The following TPR variants were observed in gnomAD, a reference collection of about 807,000 sequenced individuals.
The protein encoded by TPR is translocated promoter region, nuclear basket protein, also known as nucleoprotein TPR.
A neutral mutation model predicts 316.1 loss-of-function variants in TPR; 51 were observed. The ratio of observed to expected loss-of-function variants is 0.16; its 90% CI spans 0.13 to 0.20. The LOEUF is 0.20. Among genes scored for constraint, TPR ranks in the 10% least tolerant of loss-of-function variants. The pLI is 1.00. For synonymous variants in TPR, 981 were observed against 914.7 expected (o/e 1.07, Z -1.31); for missense variants, 2,272 against 2,754.8 (o/e 0.82, Z 3.92).
At position 186,318,458 on chromosome 1, in the gene TPR, T is replaced by C. The variant is rs1335130316; in HGVS notation, c.6810A>G (p.Ala2270=). The stretch of plus-strand genomic sequence containing the variant: ...AAATAAACTTTTACCCTTCAGATTC[T>C]GCCTCCACAAATACTTCATCTCCAT... The part of the protein sequence containing the change: ...GDDGDEVFVE[A]ESEGISSEAG... Residue 2270 remains alanine (A), a synonymous_variant, in exon 48 of 51, where the codon GCA becomes GCG. Transcript: ENST00000367478. The C allele has an allele frequency of 1.2e-6, 2 of 1,610,964 alleles. No homozygotes were observed. The highest frequency in any genetic ancestry group is 1.7e-6 in the Non-Finnish European group (2 of 1,179,200).
Position 186,311,934 on chromosome 1 carries a change from A to C in TPR, c.*2037T>G, listed in dbSNP as rs1657272538. The C allele has an allele frequency of 1.8e-6, 1 of 541,998 alleles. No individual in the cohort carries two copies. The highest frequency in any genetic ancestry group is 3.2e-5 in the Admixed American group (1 of 31,340). 33.6% of individuals were successfully genotyped at this position (541,998 alleles called of 1,614,324 possible). On this transcript the variant is annotated 3_prime_UTR_variant, in exon 51 of 51. Coordinates refer to ENST00000367478, the MANE Select transcript of TPR (RefSeq NM_003292.3). ...TGTGCTGCCAAACTGAGCACTTGTC[A>C]CTTTCAATTGAAATTAAATATATAA...
At chr1:186,360,029 A>T in intron 11 of TPR, 33 bp from the exon 12 acceptor site, 1 of 1,582,018 alleles carries the variant, frequency 6.3e-7, no homozygotes. Context: ...TTCAAATCTA[A>T]CCATAACAAC....
Position 186,360,927 on chromosome 1 carries a change from C to A in TPR, c.959-22G>T, listed in dbSNP as rs766307441. 5.0e-6 allele frequency: 8 copies of A among 1,602,060 alleles called. No individual in the cohort carries two copies. In the Admixed American group the frequency reaches 5.2e-5, roughly 10 times the overall value. On this transcript the variant is annotated intron_variant, in intron 9 of 50. Coordinates refer to ENST00000367478, the MANE Select transcript of TPR (RefSeq NM_003292.3). ...TTGGCTAAAAAACAATTTTAAAGAC[C>A]AAATATTCAAACATACAGTTAAAAT... is the stretch of plus-strand genomic sequence containing the variant.
chr1:186,367,620 T>C (rs1389100678), intron 4 of TPR, among the ~76,000 whole-genome samples: 1 of 152,222 alleles, frequency 6.6e-6, no homozygotes, highest in Non-Finnish European at 1.5e-5. Context: ...TGTACAGCAT[T>C]GTAGTGAAAA....
intron 36 of TPR, 105 bp from the exon 37 acceptor site, chr1:186,333,499 C>T: frequency 7.2e-7 from 1 of 1,384,308 alleles, no homozygotes; most frequent in Non-Finnish European, 9.8e-7. Flanking sequence ...AGATTTGGCA[C>T]TTGGTAGACA....
intron 46 of TPR, 26 bp downstream of exon 46, chr1:186,320,286 G>A: frequency 6.4e-7 from 1 of 1,566,690 alleles, no homozygotes; most frequent in Non-Finnish European, 8.7e-7. Flanking sequence ...TACAAATTCA[G>A]GGGATCTAAA....
chr1:186,371,096 G>A, intron 2 of TPR, 53 bp from the exon 3 acceptor site: 1 of 1,431,290 alleles, frequency 7.0e-7, no homozygotes. Flanking sequence ...AACTTGCAAT[G>A]AGTGTTTTTA....
chr1:186,368,777 TC>T (rs1444270648), intron 3 of TPR, among the ~76,000 whole-genome samples: 1 of 152,238 alleles, frequency 6.6e-6, no homozygotes, highest in Non-Finnish European at 1.5e-5. Context: ...TCCGTTTATT[TC>T]TTTTTGCAGC....
At chr1:186,336,866 T>C (rs994528736) in intron 32 of TPR, 147 bp downstream of exon 32, 2 of 1,324,530 alleles carry the variant, frequency 1.5e-6, no homozygotes, top group Non-Finnish European at 2.1e-6. Context: ...GATGATTGGG[T>C]ACTACTTACA....
chr1:186,328,978 G>A (rs866408382), intron 39 of TPR, among the ~76,000 whole-genome samples: 3 of 152,174 alleles, frequency 2.0e-5, no homozygotes, highest in African/African-American at 2.4e-5. Context: ...TACATATGCC[G>A]TAATGGAAAA....
At chr1:186,347,507 G>C (rs1658720345) in intron 21 of TPR, 49 bp from the exon 22 acceptor site, 1 of 1,580,200 alleles carries the variant, frequency 6.3e-7, no homozygotes, top group South Asian at 1.2e-5. Context: ...AATAGTATTA[G>C]AGATGACTGT....
rs1306463814 is a variant in TPR, at chr1:186,312,331, G to C, written c.*1640C>G. ...GGACCTTCTCAAACACACACCATCA[G>C]AATTCAATATTCACCTGCCAGACTG... On this transcript the variant is annotated 3_prime_UTR_variant, in exon 51 of 51. Transcript: ENST00000367478. 2 of 1,610,022 alleles carry C rather than the reference G, an allele frequency of 1.2e-6. No homozygotes were observed.
intron 39 of TPR, among the ~76,000 whole-genome samples, chr1:186,331,228 G>A (rs1658156994): frequency 6.6e-6 from 1 of 151,872 alleles, no homozygotes; most frequent in African/African-American, 2.4e-5. Flanking sequence ...ATTAAAATAG[G>A]GAAAAATCTT....
chr1:186,344,438 C>T lies in TPR; in HGVS notation c.3354G>A (p.Gln1118=). The change falls in exon 25 of 51, where the codon CAG becomes CAA. Residue 1118 remains glutamine, a synonymous_variant. Transcript: ENST00000367478. ...SVRQHLEETT[Q]KAESQLLECK... ...ACTCCAACAACTGTGATTCTGCTTT[C>T]TGTGTTGTTTCTTCCAAATGCTGAC... 1 of 1,614,124 alleles carries T rather than the reference C, an allele frequency of 6.2e-7. No homozygotes were observed. Among genetic ancestry groups the T allele is most frequent in the Non-Finnish European group, 8.5e-7 (1 of 1,179,990 alleles).
intron 25 of TPR, 111 bp downstream of exon 25, chr1:186,344,264 G>T: frequency 7.2e-7 from 1 of 1,391,770 alleles, no homozygotes; most frequent in Non-Finnish European, 9.8e-7. Context: ...TCACGCCATT[G>T]CACTCCAGCA....
chr1:186,316,598 T>TC (rs1657619842), intron 49 of TPR, among the ~76,000 whole-genome samples: 1 of 152,204 alleles, frequency 6.6e-6, no homozygotes, highest in South Asian at 2.1e-4. Context: ...TAAAGGTAAT[T>TC]CTCTGTCTAA....
chr1:186,372,941 G>A (rs1226992655), intron 2 of TPR, among the ~76,000 whole-genome samples: 5 of 152,026 alleles, frequency 3.3e-5, no homozygotes, highest in African/African-American at 7.3e-5. Flanking sequence ...AATAGGCTTC[G>A]ATTCTTCAAC....
In TPR at chr1:186,322,313, C is replaced by T; in HGVS notation, c.6461+5G>A. The T allele has an allele frequency of 2.5e-6, 4 of 1,604,106 alleles. No individual in the cohort carries two copies. The highest frequency in any genetic ancestry group is 3.4e-6 in the Non-Finnish European group (4 of 1,176,952). On this transcript the variant is annotated splice_donor_5th_base_variant and intron_variant, in intron 45 of 50. Transcript: ENST00000367478. ...ATAAAGTATGTTTCTCTTTCATTAA[C>T]TTACTGAATTGCTTCAGCAAATCCA...
chr1:186,358,706 G>C, intron 12 of TPR, 56 bp from the exon 13 acceptor site: 1 of 1,425,998 alleles, frequency 7.0e-7, no homozygotes. Flanking sequence ...ATTTATACAA[G>C]TAATAAAGAC....
Sources: gnomAD v4.1 joint callset for allele counts (sites outside exome capture counted in the v4.1 genomes callset) on GRCh38, gnomAD v4.1.1 for gene constraint, MANE v1.5 for transcripts, NCBI Gene and HGNC (gene_info 2026-07-23, HGNC 2026-07-21) for gene names.